TDRD3: variants seen among roughly 807,000 people sequenced by gnomAD.
TDRD3 encodes tudor domain-containing protein 3.
A neutral mutation model predicts 86.7 loss-of-function variants in TDRD3; 45 were observed. That is an observed-to-expected ratio of 0.52 (90% CI 0.41 to 0.67). The LOEUF (loss-of-function observed/expected upper bound fraction) is 0.67. TDRD3 is among the 30% of genes least tolerant of loss of function. The probability of loss-of-function intolerance (pLI) is 0.00; values close to 1 mark genes in which losing one functional copy is unlikely to be tolerated. For synonymous variants in TDRD3, 298 were observed against 301.7 expected, an observed-to-expected ratio of 0.99 and a Z score of 0.13; for missense variants, 814 against 889.0, an observed-to-expected ratio of 0.92 and a Z score of 1.07.
chr13:60,440,754 T>TTA, intron 2 of TDRD3, among the ~76,000 whole-genome samples: 1 of 152,298 alleles, frequency 6.6e-6, no homozygotes, highest in South Asian at 2.1e-4. Context: ...TCTATGTAGC[T>TTA]TTATAATAAG....
At chr13:60,441,675 A>G (rs999488075) in intron 2 of TDRD3, among the ~76,000 whole-genome samples, 1 of 152,144 alleles carries the variant, frequency 6.6e-6, no homozygotes, top group African/African-American at 2.4e-5. Flanking sequence ...CTTATTGTGC[A>G]TATATGTACG....
At chr13:60,573,306 G>A (rs529354682) in intron 13 of TDRD3, among the ~76,000 whole-genome samples, 2 of 152,092 alleles carry the variant, frequency 1.3e-5, no homozygotes, top group Non-Finnish European at 1.5e-5. Flanking sequence ...GTAATCCTCC[G>A]TTACAAACAG....
chr13:60,422,285 C>A (rs1296906961), intron 1 of TDRD3, among the ~76,000 whole-genome samples: 1 of 152,032 alleles, frequency 6.6e-6, no homozygotes, highest in Non-Finnish European at 1.5e-5. Context: ...TAATATGCCC[C>A]CTAATGAAAC....
intron 1 of TDRD3, among the ~76,000 whole-genome samples, chr13:60,405,390 C>G (rs1954211004): frequency 6.6e-6 from 1 of 152,026 alleles, no homozygotes; most frequent in Non-Finnish European, 1.5e-5. Context: ...ATAAAGAATA[C>G]TAGAGAGGAG....
At chr13:60,472,725 A>G (rs572105288) in intron 5 of TDRD3, among the ~76,000 whole-genome samples, 25 of 152,354 alleles carry the variant, frequency 1.6e-4, no homozygotes, top group Non-Finnish European at 2.9e-4. Flanking sequence ...CCTTGTTTAC[A>G]GCGGCAGAGG....
chr13:60,546,504 A>T (rs1957943153), intron 12 of TDRD3, among the ~76,000 whole-genome samples: 1 of 152,126 alleles, frequency 6.6e-6, no homozygotes, highest in South Asian at 2.1e-4. Context: ...GAAATAAAAA[A>T]TATATATCTC....
chr13:60,533,779 C>G (rs559711503), intron 11 of TDRD3, among the ~76,000 whole-genome samples: 1 of 152,318 alleles, frequency 6.6e-6, no homozygotes, highest in African/African-American at 2.4e-5. Context: ...TTCAGACCTA[C>G]AATTTCTGTC....
chr13:60,569,382 A>C (rs984534739), intron 13 of TDRD3, among the ~76,000 whole-genome samples: 1 of 152,194 alleles, frequency 6.6e-6, no homozygotes, highest in African/African-American at 2.4e-5. Context: ...AAAGATCTCT[A>C]CAATGAAAAC....
chr13:60,476,294 G>A (rs1956185943), intron 5 of TDRD3, among the ~76,000 whole-genome samples: 1 of 152,148 alleles, frequency 6.6e-6, no homozygotes, highest in East Asian at 1.9e-4. Flanking sequence ...TTATTGAATA[G>A]GAATTCCTTT....
intron 5 of TDRD3, among the ~76,000 whole-genome samples, chr13:60,470,798 G>T (rs931538595): frequency 2.0e-5 from 3 of 151,942 alleles, no homozygotes; most frequent in African/African-American, 4.8e-5. Context: ...GGCCAGGCTG[G>T]TCTCCAACTC....
At chr13:60,461,238 A>G (rs1333790598) in intron 4 of TDRD3, among the ~76,000 whole-genome samples, 1 of 152,210 alleles carries the variant, frequency 6.6e-6, no homozygotes, top group Non-Finnish European at 1.5e-5. Context: ...GCAGAGTTTT[A>G]TAGGCTAATA....
intron 10 of TDRD3, 33 bp downstream of exon 10, chr13:60,510,788 T>C: frequency 2.0e-6 from 3 of 1,494,358 alleles, no homozygotes; most frequent in Non-Finnish European, 2.7e-6. Context: ...CCTTTTTTTT[T>C]CTTTCTTTTC....
intron 4 of TDRD3, among the ~76,000 whole-genome samples, chr13:60,464,585 TACAC>T (rs1047437745): frequency 2.0e-5 from 3 of 149,730 alleles, no homozygotes; most frequent in South Asian, 2.1e-4. Context: ...CACACACACA[TACAC>T]ACACACACAC....
At chr13:60,467,986 G>T (rs1955985983) in intron 5 of TDRD3, among the ~76,000 whole-genome samples, 1 of 151,210 alleles carries the variant, frequency 6.6e-6, no homozygotes, top group Admixed American at 6.6e-5. Flanking sequence ...TGTAGTGTAG[G>T]TCTTTAGTAT....
rs774043203 is a variant in TDRD3, at chr13:60,494,561, G to A, written c.844G>A (p.Val282Ile). The A allele has an allele frequency of 6.2e-7, 1 of 1,613,614 alleles. No individual in the cohort carries two copies. The highest frequency in any genetic ancestry group is 1.7e-5 in the Admixed American group (1 of 60,018). The change falls in exon 8 of 14, where the codon GTC (valine) becomes ATC (isoleucine). Residue 282 changes from valine to isoleucine, a missense_variant. By Grantham distance (29) the Val-to-Ile change is conservative. Transcript: ENST00000377881. ...CAAATCAGAGGGAAAACATGAAGGT[G>A]TCTATAGAGAACTGGTAAGGCTAAA... is the stretch of plus-strand genomic sequence containing the variant. ...STKSEGKHEG[V>I]YRELVDEKAL...
chr13:60,432,546 A>G (rs1954979626), intron 1 of TDRD3, among the ~76,000 whole-genome samples: 1 of 152,194 alleles, frequency 6.6e-6, no homozygotes, highest in Non-Finnish European at 1.5e-5. Context: ...TATAAGAATA[A>G]TATATAAAAC....
intron 7 of TDRD3, 126 bp from the exon 8 acceptor site, chr13:60,494,309 A>AT (rs1956665544): frequency 6.6e-6 from 7 of 1,055,658 alleles, no homozygotes; most frequent in Non-Finnish European, 7.7e-6. Context: ...TTAATATTTT[A>AT]TTTTTTCATG....
intron 1 of TDRD3, among the ~76,000 whole-genome samples, chr13:60,400,644 A>G (rs1004190154): frequency 1.3e-4 from 20 of 152,146 alleles, no homozygotes; most frequent in Non-Finnish European, 2.6e-4. Context: ...AGGCTGAGGC[A>G]GGAGAATCGC....
intron 3 of TDRD3, among the ~76,000 whole-genome samples, chr13:60,447,057 G>A (rs1387329510): frequency 6.6e-6 from 1 of 152,096 alleles, no homozygotes; most frequent in African/African-American, 2.4e-5. Flanking sequence ...GCCAGATTTT[G>A]GTATAAAATG....
Sources: gnomAD v4.1 joint callset for allele counts (sites outside exome capture counted in the v4.1 genomes callset) on GRCh38, gnomAD v4.1.1 for gene constraint, MANE v1.5 for transcripts, NCBI Gene and HGNC (gene_info 2026-07-23, HGNC 2026-07-21) for gene names.